The following CREB5 variants were observed in gnomAD, a reference collection of about 807,000 sequenced individuals.
The protein encoded by CREB5 is cyclic AMP-responsive element-binding protein 5.
In CREB5, 19 loss-of-function variants were observed where a neutral mutation model predicts 57.1. The ratio of observed to expected loss-of-function variants is 0.33; its 90% CI spans 0.23 to 0.49. The LOEUF (loss-of-function observed/expected upper bound fraction) is 0.49, where lower values mean the gene tolerates loss of function less well. CREB5 is among the 20% of genes least tolerant of loss of function. The pLI is 0.99. For missense variants in CREB5, 579 were observed against 671.6 expected (o/e 0.86, Z 1.52); for synonymous variants, 238 against 238.3 (o/e 1.00, Z 0.01).
chr7:28,575,521 G>A (rs1795871924), intron 5 of CREB5, among the ~76,000 whole-genome samples: 1 of 152,218 alleles, frequency 6.6e-6, no homozygotes, highest in African/African-American at 2.4e-5. Flanking sequence ...GCATGAGTAA[G>A]ACTGTCGCTA....
At chr7:28,651,064 C>G (rs1188654981) in intron 5 of CREB5, among the ~76,000 whole-genome samples, 1 of 151,924 alleles carries the variant, frequency 6.6e-6, no homozygotes, top group African/African-American at 2.4e-5. Flanking sequence ...CAGTTCATTG[C>G]TAGAGGACAG....
At chr7:28,493,068 A>G (rs1791876202) in intron 2 of CREB5, among the ~76,000 whole-genome samples, 1 of 152,260 alleles carries the variant, frequency 6.6e-6, no homozygotes, top group Non-Finnish European at 1.5e-5. Context: ...ATATTTATTC[A>G]GAGAGCTACT....
intron 5 of CREB5, among the ~76,000 whole-genome samples, chr7:28,702,756 A>T (rs1288362775): frequency 6.6e-6 from 1 of 152,232 alleles, no homozygotes; most frequent in East Asian, 1.9e-4. Flanking sequence ...ACAGGGGCCT[A>T]TGTGACCCTT....
chr7:28,481,451 A>G (rs1791329172), intron 1 of CREB5, among the ~76,000 whole-genome samples: 1 of 152,078 alleles, frequency 6.6e-6, no homozygotes, highest in Non-Finnish European at 1.5e-5. Flanking sequence ...CCAGGAACAC[A>G]CCCTCTTCAC....
intron 7 of CREB5, among the ~76,000 whole-genome samples, chr7:28,755,372 G>A (rs1490206104): frequency 6.6e-6 from 1 of 152,198 alleles, no homozygotes; most frequent in African/African-American, 2.4e-5. Flanking sequence ...TCGACTGACA[G>A]ATGACCACCT....
chr7:28,639,880 T>C (rs964785748), intron 5 of CREB5, among the ~76,000 whole-genome samples: 1 of 152,206 alleles, frequency 6.6e-6, no homozygotes, highest in Admixed American at 6.5e-5. Context: ...CAACTGGCTA[T>C]GTTTGTGGTT....
intron 7 of CREB5, chr7:28,749,657 T>C (rs1804870620): frequency 6.6e-6 from 1 of 152,240 alleles, no homozygotes; most frequent in African/African-American, 2.4e-5. Context: ...GATGCTGGTT[T>C]TAAATCAGTC....
At chr7:28,341,113 T>A (rs951699376) in intron 1 of CREB5, among the ~76,000 whole-genome samples, 1 of 152,166 alleles carries the variant, frequency 6.6e-6, no homozygotes, top group African/African-American at 2.4e-5. Context: ...TGATTGTTTG[T>A]TCTTATGAAG....
intron 5 of CREB5, 36 bp downstream of exon 5, chr7:28,570,573 C>A: frequency 6.3e-7 from 1 of 1,597,712 alleles, no homozygotes; most frequent in Non-Finnish European, 8.5e-7. Context: ...TGGGTCCTGG[C>A]TGGAACTCAG....
intron 1 of CREB5, among the ~76,000 whole-genome samples, chr7:28,344,447 TC>T (rs1489714705): frequency 1.3e-5 from 2 of 152,220 alleles, no homozygotes; most frequent in Non-Finnish European, 2.9e-5. Flanking sequence ...TTGTTGAAAA[TC>T]AGTTGGCTGT....
At chr7:28,730,177 T>C (rs528439241) in intron 7 of CREB5, among the ~76,000 whole-genome samples, 1 of 152,292 alleles carries the variant, frequency 6.6e-6, no homozygotes, top group African/African-American at 2.4e-5. Flanking sequence ...GAGGTAGATA[T>C]TCTTTTTTCT....
At chr7:28,744,644 G>A (rs1027255574) in intron 7 of CREB5, among the ~76,000 whole-genome samples, 1 of 152,020 alleles carries the variant, frequency 6.6e-6, no homozygotes, top group African/African-American at 2.4e-5. Flanking sequence ...CACCATGCCC[G>A]GCCCCCTTTA....
At chr7:28,591,461 G>A (rs1796513629) in intron 5 of CREB5, among the ~76,000 whole-genome samples, 1 of 152,118 alleles carries the variant, frequency 6.6e-6, no homozygotes. Flanking sequence ...AACCTTTGTA[G>A]ATTTGCTATG....
At chr7:28,426,410 C>T (rs1335626895) in intron 1 of CREB5, among the ~76,000 whole-genome samples, 1 of 152,210 alleles carries the variant, frequency 6.6e-6, no homozygotes, top group African/African-American at 2.4e-5. Context: ...TTTCAAGAAC[C>T]TTCACTGGTG....
At chr7:28,696,354 A>G (rs538641799) in intron 5 of CREB5, among the ~76,000 whole-genome samples, 1 of 152,364 alleles carries the variant, frequency 6.6e-6, no homozygotes, top group Admixed American at 6.5e-5. Flanking sequence ...TTTGTAAAGC[A>G]TAGGAAGATG....
rs1391285112 is a variant in CREB5, at chr7:28,821,296, G to A, written c.*2017G>A. 2.0e-5 allele frequency: 3 copies of A among 151,912 alleles called. No homozygotes were observed. Among genetic ancestry groups the A allele is most frequent in the Admixed American group, 6.6e-5 (1 of 15,240 alleles). The allele number at this position is 151,912 out of a possible 1,614,324, so 9.4% of individuals were successfully genotyped here. A position where few individuals can be genotyped will look rare whatever the true frequency, so the allele number is the denominator to read the frequency against. On this transcript the variant is annotated 3_prime_UTR_variant, in exon 11 of 11. Transcript: ENST00000357727. ...GAAAAAAAGAAAATATGAGGGTCTC[G>A]AAGCATGATTTTTATATAACTAGTT... is the stretch of plus-strand genomic sequence containing the variant.
intron 5 of CREB5, among the ~76,000 whole-genome samples, chr7:28,588,911 A>G (rs551247116): frequency 6.6e-6 from 1 of 152,262 alleles, no homozygotes; most frequent in East Asian, 1.9e-4. Flanking sequence ...GGACAACATT[A>G]TTATTGGCCA....
At chr7:28,326,794 A>G (rs1256154078) in intron 1 of CREB5, among the ~76,000 whole-genome samples, 3 of 152,212 alleles carry the variant, frequency 2.0e-5, no homozygotes, top group Admixed American at 6.5e-5. Context: ...TTGGATGTCC[A>G]TACAGTTCTA....
chr7:28,616,197 T>C (rs1027150585), intron 5 of CREB5, among the ~76,000 whole-genome samples: 1 of 152,214 alleles, frequency 6.6e-6, no homozygotes, highest in Non-Finnish European at 1.5e-5. Flanking sequence ...ATACTTCCCA[T>C]GTGGTATGGC....
Sources: gnomAD v4.1 joint callset for allele counts (sites outside exome capture counted in the v4.1 genomes callset) on GRCh38, gnomAD v4.1.1 for gene constraint, MANE v1.5 for transcripts, NCBI Gene and HGNC (gene_info 2026-07-23, HGNC 2026-07-21) for gene names.